The following EPHB2 variants were observed in gnomAD, a reference collection of about 807,000 sequenced individuals.
EPHB2 encodes ephrin type-B receptor 2.
Under a neutral mutation model 96.4 loss-of-function variants are expected in EPHB2, and 18 were observed. That is an observed-to-expected ratio of 0.19 (90% confidence interval 0.13 to 0.28). EPHB2 has a LOEUF of 0.28. EPHB2 is among the 10% of genes least tolerant of loss of function. The pLI, the probability that EPHB2 is intolerant of heterozygous loss-of-function variation, is 1.00. For synonymous variants in EPHB2, 506 were observed against 534.1 expected, an observed-to-expected ratio of 0.95 and a Z score of 0.72; for missense variants, 989 against 1,355.4, an observed-to-expected ratio of 0.73 and a Z score of 4.25.
chr1:22,823,589 C>A (rs1183332435), intron 3 of EPHB2, among the ~76,000 whole-genome samples: 2 of 152,184 alleles, frequency 1.3e-5, no homozygotes, highest in Admixed American at 1.3e-4. Flanking sequence ...CTGTGTCTGT[C>A]ACTGTCTCCT....
intron 3 of EPHB2, among the ~76,000 whole-genome samples, chr1:22,796,118 G>A (rs866566587): frequency 1.3e-5 from 2 of 152,230 alleles, no homozygotes; most frequent in African/African-American, 4.8e-5. Flanking sequence ...AAATACAGTG[G>A]TGAACAAAAC....
At chr1:22,816,416 G>A (rs995364823) in intron 3 of EPHB2, among the ~76,000 whole-genome samples, 5 of 152,084 alleles carry the variant, frequency 3.3e-5, no homozygotes, top group African/African-American at 9.7e-5. Context: ...TCTTCATACC[G>A]CATTGCCTTC....
At chr1:22,884,597 G>A (rs1406527566) in intron 6 of EPHB2, among the ~76,000 whole-genome samples, 1 of 147,684 alleles carries the variant, frequency 6.8e-6, no homozygotes, top group Non-Finnish European at 1.5e-5. Context: ...TCCAGCCTGG[G>A]TGACAGAGTG....
intron 3 of EPHB2, among the ~76,000 whole-genome samples, chr1:22,818,753 C>T (rs57570227): frequency 5.9e-5 from 9 of 152,232 alleles, no homozygotes; most frequent in South Asian, 2.1e-4. Context: ...TCCGTTTATC[C>T]GTCAGGTCTC....
At chr1:22,815,845 G>T (rs1474601038) in intron 3 of EPHB2, among the ~76,000 whole-genome samples, 2 of 152,182 alleles carry the variant, frequency 1.3e-5, no homozygotes, top group African/African-American at 2.4e-5. Context: ...GGCGGTGCTG[G>T]AAGTGGAACT....
At chr1:22,888,537 C>G (rs192740468) in intron 6 of EPHB2, among the ~76,000 whole-genome samples, 1 of 152,288 alleles carries the variant, frequency 6.6e-6, no homozygotes, top group Admixed American at 6.5e-5. Context: ...AGACATGCAC[C>G]CAATGCCTCA....
At position 22,790,741 on chromosome 1, in the gene EPHB2, T is replaced by G. The variant is rs1644678661; in HGVS notation, c.811+5665T>G. Among the ~76,000 whole-genome samples, 5 of 152,362 alleles carry G rather than the reference T, an allele frequency of 3.3e-5. No homozygotes were observed. The South Asian group carries it at 8.3e-4, about 25-fold the overall frequency. ...GAGGCAGTTCCGCAGTGAGCATGAT[T>G]GCTGCGATGCTATCGGACGTAATGG... On this transcript the variant is annotated intron_variant, in intron 3 of 15. Transcript: ENST00000374630. The surrounding 1 kb of genome is among the most constrained non-coding windows in gnomAD (Gnocchi z 4.0).
intron 1 of EPHB2, among the ~76,000 whole-genome samples, chr1:22,772,921 G>C (rs996727924): frequency 6.6e-6 from 1 of 152,158 alleles, no homozygotes; most frequent in Non-Finnish European, 1.5e-5. Context: ...CAGACCAAAG[G>C]GATCAAATTT....
intron 1 of EPHB2, among the ~76,000 whole-genome samples, chr1:22,774,054 C>G (rs998261319): frequency 5.3e-5 from 8 of 152,204 alleles, no homozygotes; most frequent in Admixed American, 5.2e-4. Context: ...TACGATTGCC[C>G]AGCCTTCCCC....
intron 3 of EPHB2, among the ~76,000 whole-genome samples, chr1:22,853,804 G>C (rs527858091): frequency 6.6e-6 from 1 of 152,344 alleles, no homozygotes; most frequent in South Asian, 2.1e-4. Flanking sequence ...AAGCAGGCCG[G>C]ACTCTCCCTG....
chr1:22,747,247 A>G (rs1418792591), intron 1 of EPHB2, among the ~76,000 whole-genome samples: 1 of 152,240 alleles, frequency 6.6e-6, no homozygotes, highest in Non-Finnish European at 1.5e-5. Context: ...GCTGTGGGCC[A>G]CAGATAGCCC....
intron 1 of EPHB2, among the ~76,000 whole-genome samples, chr1:22,721,579 G>T (rs781091478): frequency 2.0e-5 from 3 of 152,084 alleles, no homozygotes; most frequent in Non-Finnish European, 4.4e-5. Flanking sequence ...ATCTGTGTCC[G>T]GTTTTGCCAC....
chr1:22,761,386 C>T (rs551386971), intron 1 of EPHB2, among the ~76,000 whole-genome samples: 2 of 152,252 alleles, frequency 1.3e-5, no homozygotes, highest in Admixed American at 6.5e-5. Flanking sequence ...TCTGACTTTT[C>T]TGTGTTTTCC....
chr1:22,892,574 A>C (rs1180277653), intron 6 of EPHB2, among the ~76,000 whole-genome samples: 2 of 152,168 alleles, frequency 1.3e-5, no homozygotes, highest in Non-Finnish European at 2.9e-5. Context: ...GGCCAAGACA[A>C]ATTGGCAGGG....
chr1:22,730,679 A>G (rs1430638882), intron 1 of EPHB2, among the ~76,000 whole-genome samples: 1 of 152,090 alleles, frequency 6.6e-6, no homozygotes, highest in African/African-American at 2.4e-5. Flanking sequence ...AGAGCTGGGC[A>G]AAGGCCCTGT....
At chr1:22,728,789 A>G (rs1344843329) in intron 1 of EPHB2, among the ~76,000 whole-genome samples, 1 of 152,174 alleles carries the variant, frequency 6.6e-6, no homozygotes, top group Non-Finnish European at 1.5e-5. Context: ...AGGTGTCTCA[A>G]TGCTCACTTC....
At chr1:22,837,961 C>A (rs890575619) in intron 3 of EPHB2, among the ~76,000 whole-genome samples, 1 of 152,120 alleles carries the variant, frequency 6.6e-6, no homozygotes, top group Non-Finnish European at 1.5e-5. Flanking sequence ...GGGGCTTGGC[C>A]TCAAGGAATA....
intron 3 of EPHB2, among the ~76,000 whole-genome samples, chr1:22,816,852 AGCCAGGACCTCAGTCCAGGTCTCCTG>A (rs1645082321): frequency 6.6e-6 from 1 of 152,176 alleles, no homozygotes; most frequent in Non-Finnish European, 1.5e-5. Context: ...ATGGGGGCCA[AGCCAGGACCTCAGTCCAGGTCTCCTG>A]GCCAGGACGT....
At chr1:22,895,399 CA>C in intron 7 of EPHB2, 72 bp from the exon 8 acceptor site, 1 of 1,414,818 alleles carries the variant, frequency 7.1e-7, no homozygotes, top group Non-Finnish European at 1.0e-6. Flanking sequence ...AGCAGCATGG[CA>C]GGGGGTAGGG....
Sources: gnomAD v4.1 joint callset for allele counts (sites outside exome capture counted in the v4.1 genomes callset) on GRCh38, gnomAD v4.1.1 for gene constraint, Gnocchi (gnomAD v3.1) non-coding constraint, MANE v1.5 for transcripts, NCBI Gene and HGNC (gene_info 2026-07-23, HGNC 2026-07-21) for gene names.